Variants in LIN54 observed in about 807,000 individuals in gnomAD.
LIN54 encodes protein lin-54 homolog.
A neutral mutation model predicts 78.7 loss-of-function variants in LIN54; 9 were observed. That is an observed-to-expected ratio of 0.11 (90% CI 0.07 to 0.20). LIN54 has a LOEUF of 0.20. Among genes scored for constraint, LIN54 ranks in the 10% least tolerant of loss-of-function variants. The pLI, the probability that LIN54 is intolerant of heterozygous loss-of-function variation, is 1.00. For synonymous variants in LIN54, 269 were observed against 318.4 expected (o/e 0.84, Z 1.65); for missense variants, 573 against 889.9 (o/e 0.64, Z 4.53).
chr4:83,004,539 G>C (rs1177681616), intron 1 of LIN54, among the ~76,000 whole-genome samples: 3 of 143,928 alleles, frequency 2.1e-5, no homozygotes, highest in East Asian at 1.9e-4. Flanking sequence ...CGTCAGGCTA[G>C]AGTGCAATGC....
At chr4:82,928,519 A>G (rs1359328763) in intron 12 of LIN54, among the ~76,000 whole-genome samples, 7 of 152,228 alleles carry the variant, frequency 4.6e-5, no homozygotes, top group African/African-American at 7.2e-5. Flanking sequence ...TGTTCAGGAA[A>G]TTTAACATAA....
intron 2 of LIN54, among the ~76,000 whole-genome samples, chr4:82,981,683 TTTA>T (rs1175805867): frequency 6.6e-6 from 1 of 152,144 alleles, no homozygotes; most frequent in Non-Finnish European, 1.5e-5. Flanking sequence ...CTAATTCCTT[TTTA>T]TTGTTTTTTT....
chr4:82,927,950 T>G lies in LIN54; in HGVS notation c.*152A>C, dbSNP rs1721618526. 3.1e-6 allele frequency: 2 copies of G among 636,748 alleles called. No individual in the cohort carries two copies. Among genetic ancestry groups the G allele is most frequent in the African/African-American group, 3.7e-5 (2 of 54,528 alleles). 39.4% of individuals were successfully genotyped at this position (636,748 alleles called of 1,614,324 possible). ...ATTTAAAATGTACTAATTTCCTCAT[T>G]TAAAATTTCTTCTCCTTCAGTATTA... On this transcript the variant is annotated 3_prime_UTR_variant, in exon 13 of 13. Transcript: ENST00000340417.
chr4:82,955,424 T>C (rs114878558), intron 4 of LIN54, among the ~76,000 whole-genome samples: 22 of 80,038 alleles, frequency 2.7e-4, no homozygotes, highest in Admixed American at 2.4e-4. Flanking sequence ...CATAACATAA[T>C]GAACAGACAA....
At chr4:83,010,418 CCCCCAT>C in intron 1 of LIN54, 60 bp downstream of exon 1, 1 of 237,908 alleles carries the variant, frequency 4.2e-6, no homozygotes, top group Non-Finnish European at 6.9e-6. Flanking sequence ...TCCCCACCCA[CCCCCAT>C]CCCCCCAAAT....
intron 3 of LIN54, among the ~76,000 whole-genome samples, chr4:82,973,511 C>T (rs1414815189): frequency 1.3e-5 from 2 of 152,164 alleles, no homozygotes; most frequent in Admixed American, 1.3e-4. Flanking sequence ...TTTCTGTTGT[C>T]AGGTATTCTC....
At chr4:82,973,581 C>T (rs1250257379) in intron 3 of LIN54, among the ~76,000 whole-genome samples, 1 of 152,170 alleles carries the variant, frequency 6.6e-6, no homozygotes, top group African/African-American at 2.4e-5. Context: ...GGGCAGGAAG[C>T]TAGAATATTT....
intron 5 of LIN54, chr4:82,944,729 A>G (rs929540696): frequency 1.6e-4 from 24 of 151,790 alleles, no homozygotes; most frequent in African/African-American, 5.6e-4. Flanking sequence ...TTTTTTTTTA[A>G]TTTTTAATTT....
rs1043436834 is a variant in LIN54, at chr4:83,010,654, C to G, written c.-203G>C. On this transcript the variant is annotated 5_prime_UTR_variant, in exon 1 of 13. Transcript: ENST00000340417. Reference sequence around the variant, plus strand: ...GGAGCGCTCCAGGGTACCCGGGGACCGAGAAGGGAGCCGGGGTGGCGACGT... The same window carrying G: ...GGAGCGCTCCAGGGTACCCGGGGACGGAGAAGGGAGCCGGGGTGGCGACGT... 1 of 1,231,448 alleles carries G rather than the reference C, an allele frequency of 8.1e-7. No homozygotes were observed. Among genetic ancestry groups the G allele is most frequent in the African/African-American group, 1.6e-5 (1 of 64,358 alleles). The allele number at this position is 1,231,448 out of a possible 1,614,324, so 76.3% of individuals were successfully genotyped here.
chr4:82,967,244 GA>G, intron 4 of LIN54, among the ~76,000 whole-genome samples: 1 of 150,664 alleles, frequency 6.6e-6, no homozygotes, highest in African/African-American at 2.4e-5. Context: ...AAAGAAAAAA[GA>G]AAAAAAAGGA....
At chr4:82,999,946 G>T (rs988386306) in intron 1 of LIN54, among the ~76,000 whole-genome samples, 10 of 152,076 alleles carry the variant, frequency 6.6e-5, no homozygotes, top group African/African-American at 2.4e-4. Flanking sequence ...AGACTGGAGT[G>T]CAGTAGCATA....
chr4:82,972,574 A>G (rs1288703096), intron 3 of LIN54, among the ~76,000 whole-genome samples: 3 of 152,210 alleles, frequency 2.0e-5, no homozygotes, highest in Non-Finnish European at 4.4e-5. Context: ...TGAAGCCCCA[A>G]TAACCATTCT....
intron 1 of LIN54, among the ~76,000 whole-genome samples, chr4:83,000,858 G>A (rs1482702566): frequency 8.4e-6 from 1 of 118,874 alleles, no homozygotes; most frequent in Non-Finnish European, 1.7e-5. Context: ...GAGTCCCAGG[G>A]TGAAGTGCAG....
rs1437646647 is a variant in LIN54 at position 83,010,696 on chromosome 4, T to G, written c.-245A>C. Reference sequence around the variant, plus strand: ...TGGCGACGTCGCCGTCGCCGCCGCCTCTGGTATGTCAGGGGCCGGGATTGT... The same window carrying G: ...TGGCGACGTCGCCGTCGCCGCCGCCGCTGGTATGTCAGGGGCCGGGATTGT... On this transcript the variant is annotated 5_prime_UTR_variant, in exon 1 of 13. Transcript: ENST00000340417. The G allele has an allele frequency of 1.9e-5, 22 of 1,141,718 alleles. No individual in the cohort carries two copies. The highest frequency in any genetic ancestry group is 3.3e-5 in the African/African-American group (2 of 60,726). 70.7% of individuals were successfully genotyped at this position (1,141,718 alleles called of 1,614,324 possible). A position where few individuals can be genotyped will look rare whatever the true frequency, so the allele number is the denominator to read the frequency against.
chr4:82,975,926 G>A (rs952265092), intron 3 of LIN54, among the ~76,000 whole-genome samples: 2 of 152,172 alleles, frequency 1.3e-5, no homozygotes, highest in East Asian at 3.8e-4. Context: ...GAAATGATCA[G>A]AGAAAGAGTA....
intron 4 of LIN54, among the ~76,000 whole-genome samples, chr4:82,953,832 C>CCTA (rs1724055880): frequency 6.6e-6 from 1 of 152,010 alleles, no homozygotes; most frequent in Non-Finnish European, 1.5e-5. Flanking sequence ...TGCCTACAGT[C>CCTA]CTAGCCCTGA....
At chr4:82,932,321 C>T (rs1053244628) in intron 11 of LIN54, among the ~76,000 whole-genome samples, 68 of 150,900 alleles carry the variant, frequency 4.5e-4, no homozygotes, top group African/African-American at 1.6e-3. Flanking sequence ...TGGTCCCGAC[C>T]TCCTGACCTC....
chr4:82,976,724 G>A (rs1398883889), intron 3 of LIN54, among the ~76,000 whole-genome samples: 2 of 152,092 alleles, frequency 1.3e-5, no homozygotes, highest in Non-Finnish European at 2.9e-5. Flanking sequence ...AAGACTAGCT[G>A]CATGGAAAAA....
chr4:82,933,982 A>G (rs1037126892), intron 11 of LIN54, among the ~76,000 whole-genome samples: 12 of 152,202 alleles, frequency 7.9e-5, no homozygotes, highest in African/African-American at 2.7e-4. Flanking sequence ...CATATTCGTG[A>G]CAATTTTTGT....
Sources: gnomAD v4.1 joint callset for allele counts (sites outside exome capture counted in the v4.1 genomes callset) on GRCh38, gnomAD v4.1.1 for gene constraint, MANE v1.5 for transcripts, NCBI Gene and HGNC (gene_info 2026-07-23, HGNC 2026-07-21) for gene names.